The following TUBB8 variants were observed in gnomAD, a reference collection of about 807,000 sequenced individuals.
TUBB8 encodes the protein tubulin beta 8 class VIII, also known as tubulin beta-8 chain.
A neutral mutation model predicts 33.7 loss-of-function variants in TUBB8; 25 were observed. The observed-to-expected ratio is 0.74, with a 90% CI of 0.54 to 1.04. The LOEUF is 1.04. Ranked by LOEUF, TUBB8 falls within the 50% of genes least tolerant of loss-of-function variation. TUBB8 has a pLI of 0.00. For missense variants in TUBB8, 279 were observed against 608.0 expected (o/e 0.46, Z 5.69); for synonymous variants, 245 against 240.1 (o/e 1.02, Z -0.19).
intron 1 of TUBB8, among the ~76,000 whole-genome samples, chr10:63,489 CT>C (rs1430225035): frequency 1.3e-5 from 2 of 152,164 alleles, no homozygotes; most frequent in Non-Finnish European, 2.9e-5. Flanking sequence ...ATTCTTTATT[CT>C]TTTTTGTCTC....
In TUBB8 at chr10:48,612, C is replaced by T; in HGVS notation, c.277+3G>A. 2 of 1,611,954 alleles carry T rather than the reference C, an allele frequency of 1.2e-6. No homozygotes were observed. The highest frequency in any genetic ancestry group is 1.1e-5 in the South Asian group (1 of 90,986). ...CGCACCCCAGTCCTCGCCCGCAGCT[C>T]ACCGAAGATGAAGTTGTCTGGCCTG... On this transcript the variant is annotated splice_donor_region_variant and intron_variant, in intron 3 of 3. Coordinates refer to ENST00000568584, the MANE Select transcript of TUBB8 (RefSeq NM_177987.3).
At chr10:50,870 T>C (rs1260998186), upstream of TUBB8, among the ~76,000 whole-genome samples, 1 of 152,226 alleles carries the variant, frequency 6.6e-6, no homozygotes, top group Non-Finnish European at 1.5e-5. Flanking sequence ...TCCTGATGCA[T>C]AAAACAACTT....
intron 1 of TUBB8, among the ~76,000 whole-genome samples, chr10:71,686 G>A (rs1378175350): frequency 1.3e-5 from 2 of 152,124 alleles, no homozygotes; most frequent in East Asian, 1.9e-4. Context: ...CAGCACTTTG[G>A]GAGGCTGACA....
Position 47,213 on chromosome 10 carries a change from G to A in TUBB8, c.1179C>T (p.Ala393=), listed in dbSNP as rs782494489. The part of the protein sequence containing the change: ...EQFTAMFRRK[A]FLHWYTGEGM... ...CCTCGCCCGTGTACCAGTGGAGGAA[G>A]GCCTTGCGCCTGAACATTGCTGTAA... The change falls in exon 4 of 4, where the codon GCC becomes GCT. Residue 393 remains alanine, a synonymous_variant. Transcript: ENST00000568584. The A allele has an allele frequency of 1.9e-6, 3 of 1,613,106 alleles. No homozygotes were observed. Among genetic ancestry groups the A allele is most frequent in the African/African-American group, 1.3e-5 (1 of 74,936 alleles).
chr10:60,794 C>G (rs1174999159), intron 1 of TUBB8, among the ~76,000 whole-genome samples: 3 of 152,008 alleles, frequency 2.0e-5, no homozygotes, highest in African/African-American at 7.2e-5. Context: ...TATTGCGGCA[C>G]TATTCACAAT....
rs1554738854 is a variant in TUBB8 at position 48,786 on chromosome 10, G to T, written c.166+18C>A. Reference sequence around the variant, plus strand: ...CCGCGTTCCCAGGAGGGCGGTGGGGGAAGGACGGGGGTCTCACCGCTGGCC... The same window carrying T: ...CCGCGTTCCCAGGAGGGCGGTGGGGTAAGGACGGGGGTCTCACCGCTGGCC... On this transcript the variant is annotated intron_variant, in intron 2 of 3. Coordinates refer to ENST00000568584, the MANE Select transcript of TUBB8 (RefSeq NM_177987.3). The T allele has an allele frequency of 4.3e-6, 7 of 1,610,250 alleles. No individual in the cohort carries two copies. The highest frequency in any genetic ancestry group is 5.1e-6 in the Non-Finnish European group (6 of 1,178,142).
At chr10:67,735 G>A (rs1834688876) in intron 1 of TUBB8, among the ~76,000 whole-genome samples, 1 of 152,136 alleles carries the variant, frequency 6.6e-6, no homozygotes, top group South Asian at 2.1e-4. Flanking sequence ...TCATGTACAA[G>A]TCTTGTACCT....
At chr10:61,187 A>G (rs1256737698) in intron 1 of TUBB8, among the ~76,000 whole-genome samples, 2 of 152,176 alleles carry the variant, frequency 1.3e-5, no homozygotes, top group South Asian at 4.1e-4. Context: ...TAACTAACCT[A>G]CACAATGTGC....
chr10:53,847 A>G (rs1195970558), upstream of TUBB8, among the ~76,000 whole-genome samples: 1 of 152,306 alleles, frequency 6.6e-6, no homozygotes, highest in Non-Finnish European at 1.5e-5. Flanking sequence ...ACTTCAAGCC[A>G]TGGGTCACAC....
At chr10:63,515 T>A (rs1251053588) in intron 1 of TUBB8, among the ~76,000 whole-genome samples, 6 of 152,254 alleles carry the variant, frequency 3.9e-5, no homozygotes, top group African/African-American at 1.4e-4. Context: ...GACTTTGTCT[T>A]TTCAAATAGT....
upstream of TUBB8, chr10:49,342 C>T: frequency 1.7e-6 from 2 of 1,177,982 alleles, no homozygotes; most frequent in Non-Finnish European, 2.5e-6. Flanking sequence ...CCGCGCCCAC[C>T]TCCCTCCGCC....
intron 1 of TUBB8, among the ~76,000 whole-genome samples, chr10:64,526 C>T (rs1337431039): frequency 3.5e-4 from 53 of 152,096 alleles, no homozygotes; most frequent in Admixed American, 3.3e-3. Flanking sequence ...TAACCCTTAA[C>T]CCTAACACTA....
At chr10:72,856 A>G (rs1167217286) in intron 1 of TUBB8, among the ~76,000 whole-genome samples, 2 of 151,818 alleles carry the variant, frequency 1.3e-5, no homozygotes, top group Admixed American at 1.3e-4. Context: ...CATCTCAAAA[A>G]AAAAAAAAAA....
intron 1 of TUBB8, among the ~76,000 whole-genome samples, chr10:54,655 T>C (rs1233352460): frequency 6.6e-6 from 1 of 152,230 alleles, no homozygotes; most frequent in Non-Finnish European, 1.5e-5. Flanking sequence ...TAAATTTTTG[T>C]CCACTCTTTT....
At chr10:66,418 G>A (rs1834671614) in intron 1 of TUBB8, among the ~76,000 whole-genome samples, 2 of 152,254 alleles carry the variant, frequency 1.3e-5, no homozygotes, top group African/African-American at 4.8e-5. Flanking sequence ...AGATGCTGAG[G>A]TGGGAAGATC....
Position 48,874 on chromosome 10 carries a change from G to A in TUBB8, c.96C>T (p.Ser32=), listed in dbSNP as rs149334029. The A allele has an allele frequency of 1.2e-3, 1,917 of 1,573,994 alleles. 20 individuals are homozygous for A. The African/African-American group carries it at 0.024, about 20-fold the overall frequency. The change falls in exon 2 of 4, where the codon TCC becomes TCT. Residue 32 remains serine, a synonymous_variant. Coordinates refer to ENST00000568584, the MANE Select transcript of TUBB8 (RefSeq NM_177987.3). The part of the protein sequence containing the change: ...EVISDEHAID[S]AGTYHGDSHL... Reference sequence around the variant, plus strand: ...GGCTGTCCCCGTGGTAGGTGCCAGCGGAGTCGATGGCATGTTCATCAGAGA... The same window carrying A: ...GGCTGTCCCCGTGGTAGGTGCCAGCAGAGTCGATGGCATGTTCATCAGAGA...
At chr10:74,421 A>C (rs1164716589), upstream of TUBB8, among the ~76,000 whole-genome samples, 2 of 149,222 alleles carry the variant, frequency 1.3e-5, no homozygotes, top group Non-Finnish European at 3.0e-5. Context: ...GAGGTCAGGA[A>C]ATCGAGACCA....
intron 1 of TUBB8, among the ~76,000 whole-genome samples, chr10:65,110 T>C (rs1488115628): frequency 1.2e-4 from 18 of 152,286 alleles, no homozygotes; most frequent in African/African-American, 4.1e-4. Flanking sequence ...ACTGTGCCAC[T>C]GCACTCCTCC....
intron 1 of TUBB8, among the ~76,000 whole-genome samples, chr10:70,842 CAAAAAAT>C (rs1834727277): frequency 6.6e-6 from 1 of 150,376 alleles, no homozygotes; most frequent in East Asian, 2.0e-4. Context: ...AACCCCGTCT[CAAAAAAT>C]AAAAAATAAA....
Sources: gnomAD v4.1 joint callset for allele counts (sites outside exome capture counted in the v4.1 genomes callset) on GRCh38, gnomAD v4.1.1 for gene constraint, MANE v1.5 for transcripts, NCBI Gene and HGNC (gene_info 2026-07-23, HGNC 2026-07-21) for gene names.